LRBA: variants seen among roughly 807,000 people sequenced by gnomAD.
LRBA encodes the protein lipopolysaccharide-responsive and beige-like anchor protein.
LRBA carries 176 observed loss-of-function variants against 330.0 expected under a neutral mutation model. That is an observed-to-expected ratio of 0.53 (90% confidence interval 0.47 to 0.60). The LOEUF (loss-of-function observed/expected upper bound fraction) is 0.60, where lower values mean the gene tolerates loss of function less well. Among genes scored for constraint, LRBA ranks in the 20% least tolerant of loss-of-function variants. The pLI, the probability that LRBA is intolerant of heterozygous loss-of-function variation, is 0.00. For synonymous variants in LRBA, 1,230 were observed against 1,193.0 expected (o/e 1.03, Z -0.64); for missense variants, 3,259 against 3,444.8 (o/e 0.95, Z 1.35).
chr4:150,646,994 A>G lies in LRBA; in HGVS notation c.5921+36557T>C, dbSNP rs1465793693. 2.6e-5 allele frequency among the ~76,000 whole-genome samples: 4 copies of G among 152,152 alleles called. No homozygotes were observed. In the East Asian group the frequency reaches 7.7e-4, roughly 29 times the overall value. ...GTATGTGTTTATATAAAGCATAGAC[A>G]GTAGTGATTAACAGAACGAAGAACA... is the stretch of plus-strand genomic sequence containing the variant. On this transcript the variant is annotated intron_variant, in intron 37 of 56. Coordinates refer to ENST00000651943, the MANE Select transcript of LRBA (RefSeq NM_001364905.1).
chr4:150,993,074 G>C (rs1742271500), intron 2 of LRBA, among the ~76,000 whole-genome samples: 1 of 151,906 alleles, frequency 6.6e-6, no homozygotes, highest in African/African-American at 2.4e-5. Context: ...TTGAGCCCAG[G>C]ATATCAAGAC....
intron 18 of LRBA, 37 bp from the exon 19 acceptor site, chr4:150,871,490 C>G (rs755651481): frequency 7.5e-5 from 93 of 1,239,540 alleles, no homozygotes; most frequent in Non-Finnish European, 1.0e-4. Context: ...AAATGTAGAG[C>G]TTTTCTGTGC....
chr4:151,001,938 C>G (rs1304078639), intron 2 of LRBA, among the ~76,000 whole-genome samples: 1 of 151,956 alleles, frequency 6.6e-6, no homozygotes, highest in Non-Finnish European at 1.5e-5. Context: ...ACCACAGCCT[C>G]CATTAATAGT....
chr4:150,307,068 T>C (rs1024385315), intron 52 of LRBA, among the ~76,000 whole-genome samples: 2 of 152,092 alleles, frequency 1.3e-5, no homozygotes, highest in Non-Finnish European at 2.9e-5. Flanking sequence ...ATTAGTGTTA[T>C]ATGAAAGTGA....
chr4:150,477,526 G>C (rs1401856708), intron 42 of LRBA, among the ~76,000 whole-genome samples: 1 of 151,978 alleles, frequency 6.6e-6, no homozygotes, highest in Non-Finnish European at 1.5e-5. Context: ...GAACAACATG[G>C]GGGAAACTGC....
At chr4:150,707,532 C>A (rs1289049597) in intron 36 of LRBA, among the ~76,000 whole-genome samples, 2 of 150,944 alleles carry the variant, frequency 1.3e-5, no homozygotes, top group Non-Finnish European at 3.0e-5. Context: ...CTGCAGAGAC[C>A]AAGGAAGATA....
chr4:150,723,822 G>A (rs545535444), intron 36 of LRBA, among the ~76,000 whole-genome samples: 3 of 152,296 alleles, frequency 2.0e-5, no homozygotes, highest in African/African-American at 7.2e-5. Flanking sequence ...GGACAGAGGG[G>A]AGCTCACTGA....
intron 38 of LRBA, among the ~76,000 whole-genome samples, chr4:150,596,920 A>G (rs1168639897): frequency 6.6e-6 from 1 of 151,552 alleles, no homozygotes; most frequent in Non-Finnish European, 1.5e-5. Flanking sequence ...AAAATGTTAT[A>G]GTAAATATTA....
Position 150,872,705 on chromosome 4 carries a change from G to A in LRBA, c.2216C>T (p.Ala739Val). The A allele has an allele frequency of 6.2e-7, 1 of 1,609,490 alleles. No homozygotes were observed. Among genetic ancestry groups the A allele is most frequent in the Non-Finnish European group, 8.5e-7 (1 of 1,177,708 alleles). ...TAAAAAATAACCCATTGCCTTAAGA[G>A]CTTGTACCCTGATTCCTTCACTTTT... ...ASKSEGIRVQ[A>V]LKAMGYFLKH... Residue 739 changes from alanine to valine, a missense_variant, in exon 18 of 57, where the codon GCT (alanine) becomes GTT (valine). Ala to Val is a moderately conservative substitution (Grantham distance 64, BLOSUM62 0). Transcript: ENST00000651943.
At chr4:150,320,447 A>ATGG (rs1732337203) in intron 50 of LRBA, among the ~76,000 whole-genome samples, 1 of 151,932 alleles carries the variant, frequency 6.6e-6, no homozygotes, top group Non-Finnish European at 1.5e-5. Context: ...TCCTCAACAA[A>ATGG]TACTACCAAT....
At chr4:150,654,591 G>A (rs1218530029) in intron 37 of LRBA, among the ~76,000 whole-genome samples, 7 of 152,030 alleles carry the variant, frequency 4.6e-5, no homozygotes, top group Admixed American at 2.6e-4. Flanking sequence ...TGGGCACAAC[G>A]TGCAGGTTTG....
chr4:150,375,899 G>A (rs1049196617), intron 47 of LRBA, among the ~76,000 whole-genome samples: 1 of 152,044 alleles, frequency 6.6e-6, no homozygotes, highest in African/African-American at 2.4e-5. Flanking sequence ...ATTGCAGGGT[G>A]AAGTCATAAA....
chr4:150,559,366 T>A lies in LRBA; in HGVS notation c.6330+28682A>T, dbSNP rs544860997. On this transcript the variant is annotated intron_variant, in intron 40 of 56. Transcript: ENST00000651943. ...TCATGAGGTCAAGAGATTGAGACCA[T>A]CCTGGCCAACATGGTGAAACCCCGT... 9.3e-5 allele frequency among the ~76,000 whole-genome samples: 14 copies of A among 150,920 alleles called. No individual in the cohort carries two copies. In the South Asian group the frequency reaches 2.5e-3, roughly 27 times the overall value.
intron 47 of LRBA, among the ~76,000 whole-genome samples, chr4:150,372,560 C>CAAA (rs70937396): frequency 1.2e-4 from 12 of 101,658 alleles, no homozygotes; most frequent in Non-Finnish European, 1.7e-4. Context: ...ATCCCATCTC[C>CAAA]AAAAAAAAAA....
intron 28 of LRBA, among the ~76,000 whole-genome samples, chr4:150,841,555 G>A (rs1372463686): frequency 6.6e-6 from 1 of 152,090 alleles, no homozygotes; most frequent in Non-Finnish European, 1.5e-5. Context: ...CTCAGATTAT[G>A]GTGATTAAAA....
intron 2 of LRBA, chr4:150,970,544 TGTGTGTGTGTGTACAC>T (rs370821188): frequency 7.8e-4 from 33 of 42,292 alleles, no homozygotes; most frequent in East Asian, 2.5e-3. Flanking sequence ...TGTGTGTGTG[TGTGTGTGTGTGTACAC>T]ACACACACAC....
intron 34 of LRBA, among the ~76,000 whole-genome samples, chr4:150,791,984 G>A (rs548388018): frequency 1.3e-4 from 17 of 130,706 alleles, no homozygotes; most frequent in Admixed American, 2.8e-4. Flanking sequence ...AGCAGAAATC[G>A]CGCCACTGCA....
intron 37 of LRBA, among the ~76,000 whole-genome samples, chr4:150,623,939 C>G (rs1317850806): frequency 6.6e-6 from 1 of 151,998 alleles, no homozygotes; most frequent in African/African-American, 2.4e-5. Context: ...ATGTGCCATG[C>G]TGGTGTGCCA....
intron 20 of LRBA, among the ~76,000 whole-genome samples, chr4:150,869,664 G>A (rs1184709032): frequency 6.6e-6 from 1 of 152,016 alleles, no homozygotes; most frequent in African/African-American, 2.4e-5. Flanking sequence ...TCTAGTCTGG[G>A]CAACAGAGCA....
Sources: gnomAD v4.1 joint callset for allele counts (sites outside exome capture counted in the v4.1 genomes callset) on GRCh38, gnomAD v4.1.1 for gene constraint, MANE v1.5 for transcripts, NCBI Gene and HGNC (gene_info 2026-07-23, HGNC 2026-07-21) for gene names.